VPS13B: variants seen among roughly 807,000 people sequenced by gnomAD.
VPS13B encodes vacuolar protein sorting 13 homolog B, also known as intermembrane lipid transfer protein VPS13B.
A neutral mutation model predicts 426.4 loss-of-function variants in VPS13B; 285 were observed. The ratio of observed to expected loss-of-function variants is 0.67; its 90% CI spans 0.61 to 0.74. The LOEUF (loss-of-function observed/expected upper bound fraction) is 0.74, where lower values mean the gene tolerates loss of function less well. VPS13B is among the 30% of genes least tolerant of loss of function. The pLI is 0.00. For missense variants in VPS13B, 4,537 were observed against 4,782.6 expected, an observed-to-expected ratio of 0.95 and a Z score of 1.51; for synonymous variants, 1,676 against 1,676.4, an observed-to-expected ratio of 1.00 and a Z score of 0.01.
At position 99,712,993 on chromosome 8, in the gene VPS13B, T is replaced by C. The variant is rs189450770; in HGVS notation, c.6455-4178T>C. Among the ~76,000 whole-genome samples, 513 of 152,288 alleles carry C rather than the reference T, an allele frequency of 3.4e-3. 3 individuals carry two copies. Among genetic ancestry groups the C allele is most frequent in the Non-Finnish European group, 4.0e-3 (274 of 68,028 alleles). ...TGCAAGTGATATGCATCATATAGAA[T>C]GATATGAATTTTGACATTTCAGTAC... On this transcript the variant is annotated intron_variant, in intron 36 of 61. Coordinates refer to ENST00000357162, the MANE Select transcript of VPS13B (RefSeq NM_152564.5).
intron 33 of VPS13B, among the ~76,000 whole-genome samples, chr8:99,605,491 C>A (rs1372229757): frequency 6.6e-6 from 1 of 152,148 alleles, no homozygotes; most frequent in Non-Finnish European, 1.5e-5. Context: ...AAATGTTTCT[C>A]CTGCTTAATT....
intron 33 of VPS13B, among the ~76,000 whole-genome samples, chr8:99,609,565 A>G (rs549478212): frequency 4.6e-5 from 7 of 152,298 alleles, no homozygotes; most frequent in Admixed American, 1.3e-4. Flanking sequence ...ATGCTTTTCC[A>G]TAAAGAAATC....
chr8:99,852,783 G>T (rs1437389401), intron 55 of VPS13B, among the ~76,000 whole-genome samples: 2 of 152,084 alleles, frequency 1.3e-5, no homozygotes, highest in East Asian at 3.9e-4. Context: ...AAAATGAGTG[G>T]TAGCTAAGGG....
chr8:99,304,021 A>G (rs977324065), intron 19 of VPS13B, among the ~76,000 whole-genome samples: 19 of 152,156 alleles, frequency 1.2e-4, no homozygotes, highest in African/African-American at 4.6e-4. Flanking sequence ...AGTGGTTAAA[A>G]ATATGGGCTT....
At chr8:99,314,927 C>T (rs1002678792) in intron 19 of VPS13B, among the ~76,000 whole-genome samples, 2 of 152,044 alleles carry the variant, frequency 1.3e-5, no homozygotes, top group African/African-American at 4.8e-5. Context: ...TCTTTTTTAT[C>T]TAATATAAGT....
chr8:99,685,399 TG>T (rs1588621638), intron 35 of VPS13B, among the ~76,000 whole-genome samples: 1 of 152,230 alleles, frequency 6.6e-6, no homozygotes, highest in East Asian at 1.9e-4. Context: ...TTAGTTGGCC[TG>T]GGTTCTAATC....
At chr8:99,130,641 C>T (rs929407352) in intron 8 of VPS13B, among the ~76,000 whole-genome samples, 6 of 152,052 alleles carry the variant, frequency 3.9e-5, no homozygotes, top group African/African-American at 9.7e-5. Context: ...CCGCCCACCT[C>T]GGCCTCCCAA....
intron 17 of VPS13B, chr8:99,234,074 C>A: frequency 1.3e-6 from 1 of 780,060 alleles, no homozygotes; most frequent in Non-Finnish European, 2.4e-6. Flanking sequence ...GTCTGTCCGG[C>A]CTGAGAAGAG....
intron 43 of VPS13B, among the ~76,000 whole-genome samples, chr8:99,803,788 T>A (rs775597481): frequency 8.5e-5 from 13 of 152,232 alleles, no homozygotes; most frequent in Admixed American, 2.0e-4. Context: ...CAGTTCCACT[T>A]AGACTCATGT....
chr8:99,158,934 C>G (rs185060891), intron 15 of VPS13B, among the ~76,000 whole-genome samples: 1 of 152,160 alleles, frequency 6.6e-6, no homozygotes, highest in African/African-American at 2.4e-5. Context: ...AGGCTTATAG[C>G]TACCATAGAT....
At chr8:99,536,512 T>G in intron 30 of VPS13B, 1 of 348,448 alleles carries the variant, frequency 2.9e-6, no homozygotes, top group East Asian at 7.6e-5. Flanking sequence ...AATACCATAG[T>G]TATTTAGTGA....
At chr8:99,218,125 G>A (rs892903999) in intron 17 of VPS13B, among the ~76,000 whole-genome samples, 5 of 152,164 alleles carry the variant, frequency 3.3e-5, no homozygotes, top group African/African-American at 7.2e-5. Context: ...AATCCTGAGC[G>A]TTCACAATAA....
chr8:99,802,496 A>G (rs562514243), intron 43 of VPS13B, among the ~76,000 whole-genome samples: 1 of 152,326 alleles, frequency 6.6e-6, no homozygotes, highest in South Asian at 2.1e-4. Flanking sequence ...CAAATAAGAC[A>G]TAGTTGTAAT....
At chr8:99,816,784 G>A (rs1445583392) in intron 44 of VPS13B, among the ~76,000 whole-genome samples, 4 of 151,832 alleles carry the variant, frequency 2.6e-5, no homozygotes, top group Non-Finnish European at 5.9e-5. Flanking sequence ...CAGCCTGGGC[G>A]AAAGAGCAAG....
intron 42 of VPS13B, among the ~76,000 whole-genome samples, chr8:99,780,506 G>A (rs1811965438): frequency 6.6e-6 from 1 of 152,068 alleles, no homozygotes; most frequent in Admixed American, 6.6e-5. Flanking sequence ...ACATCAGAGT[G>A]TGAATGACTG....
intron 33 of VPS13B, among the ~76,000 whole-genome samples, chr8:99,615,981 T>A (rs1057088977): frequency 1.1e-4 from 16 of 152,304 alleles, no homozygotes; most frequent in Admixed American, 2.6e-4. Flanking sequence ...AAACCTAGTC[T>A]ATGATGATAA....
At chr8:99,409,649 C>G (rs894212373) in intron 21 of VPS13B, among the ~76,000 whole-genome samples, 2 of 152,072 alleles carry the variant, frequency 1.3e-5, no homozygotes, top group African/African-American at 2.4e-5. Flanking sequence ...AACCAAGGAT[C>G]ATAACTTTCT....
chr8:99,086,555 T>A (rs1486614270), intron 3 of VPS13B, among the ~76,000 whole-genome samples: 6 of 152,170 alleles, frequency 3.9e-5, no homozygotes, highest in African/African-American at 1.4e-4. Flanking sequence ...GAGTTTCCAG[T>A]TTTTCTGTTG....
intron 34 of VPS13B, among the ~76,000 whole-genome samples, chr8:99,654,939 A>G (rs772533523): frequency 6.6e-6 from 1 of 151,160 alleles, no homozygotes; most frequent in Non-Finnish European, 1.5e-5. Context: ...ATCTCTAAGC[A>G]CTCACCTGCT....
Sources: allele counts gnomAD v4.1 joint callset (sites outside exome capture counted in the v4.1 genomes callset), GRCh38; gene constraint gnomAD v4.1.1; transcripts MANE v1.5; gene names NCBI Gene and HGNC (gene_info 2026-07-23, HGNC 2026-07-21).